Variants in ADGRB3 observed in about 807,000 individuals in gnomAD.
ADGRB3 encodes the protein brain-specific angiogenesis inhibitor 3.
A neutral mutation model predicts 193.4 loss-of-function variants in ADGRB3; 37 were observed. The ratio of observed to expected loss-of-function variants is 0.19; its 90% CI spans 0.15 to 0.25. The LOEUF (loss-of-function observed/expected upper bound fraction) is 0.25. ADGRB3 is among the 10% of genes least tolerant of loss of function. The pLI is 1.00. For missense variants in ADGRB3, 1,637 were observed against 1,852.9 expected (o/e 0.88, Z 2.14); for synonymous variants, 690 against 644.2 (o/e 1.07, Z -1.08).
intron 20 of ADGRB3, among the ~76,000 whole-genome samples, chr6:69,267,456 G>T (rs1202826459): frequency 6.6e-6 from 1 of 152,116 alleles, no homozygotes; most frequent in Non-Finnish European, 1.5e-5. Flanking sequence ...ATCATCAAAA[G>T]TACTGAGCTA....
intron 17 of ADGRB3, 144 bp from the exon 18 acceptor site, chr6:69,233,146 C>T: frequency 8.5e-7 from 1 of 1,180,220 alleles, no homozygotes; most frequent in Non-Finnish European, 1.2e-6. Flanking sequence ...TAAATTACAT[C>T]CTGTTCAACA....
intron 17 of ADGRB3, among the ~76,000 whole-genome samples, chr6:69,114,409 T>G (rs1773463099): frequency 6.6e-6 from 1 of 152,182 alleles, no homozygotes; most frequent in Non-Finnish European, 1.5e-5. Flanking sequence ...TGGATGTTAG[T>G]CCTTTGTCAG....
chr6:68,951,654 G>A (rs1767923157), intron 6 of ADGRB3, among the ~76,000 whole-genome samples: 1 of 152,110 alleles, frequency 6.6e-6, no homozygotes, highest in African/African-American at 2.4e-5. Flanking sequence ...GCTTACCAGG[G>A]AACTCTTTTC....
chr6:69,188,178 A>T (rs1765107446), intron 17 of ADGRB3, among the ~76,000 whole-genome samples: 1 of 152,150 alleles, frequency 6.6e-6, no homozygotes, highest in African/African-American at 2.4e-5. Context: ...TTCCAATAAA[A>T]CTAAAAGGTT....
At chr6:68,969,074 A>G (rs934389855) in intron 8 of ADGRB3, among the ~76,000 whole-genome samples, 4 of 151,992 alleles carry the variant, frequency 2.6e-5, no homozygotes, top group Admixed American at 1.3e-4. Flanking sequence ...TTGAACACAT[A>G]CTGTATACTA....
intron 28 of ADGRB3, among the ~76,000 whole-genome samples, chr6:69,360,063 G>A (rs548464195): frequency 1.3e-5 from 2 of 151,584 alleles, no homozygotes; most frequent in Non-Finnish European, 3.0e-5. Context: ...GGTTTGGTTT[G>A]CATTTTTGTT....
At chr6:68,826,226 A>G (rs139825873) in intron 3 of ADGRB3, among the ~76,000 whole-genome samples, 22 of 152,304 alleles carry the variant, frequency 1.4e-4, no homozygotes, top group African/African-American at 4.8e-4. Flanking sequence ...ATGGGAATCA[A>G]TGCTACAGGG....
At chr6:69,004,617 A>T (rs558958244) in intron 11 of ADGRB3, among the ~76,000 whole-genome samples, 16 of 138,924 alleles carry the variant, frequency 1.2e-4, no homozygotes, top group Admixed American at 4.5e-4. Flanking sequence ...CCTGTGTCCA[A>T]GTGTTCTCAT....
chr6:68,962,930 C>T (rs568658888), intron 8 of ADGRB3, among the ~76,000 whole-genome samples: 13 of 152,108 alleles, frequency 8.5e-5, no homozygotes, highest in Admixed American at 3.9e-4. Context: ...CATGAATGTA[C>T]CTTTATGTCT....
intron 15 of ADGRB3, among the ~76,000 whole-genome samples, chr6:69,062,462 C>T (rs1317614221): frequency 1.3e-5 from 2 of 151,806 alleles, no homozygotes; most frequent in African/African-American, 4.8e-5. Flanking sequence ...ACTCTGTTTG[C>T]TCTAATGTTA....
Position 69,064,648 on chromosome 6 carries a change from T to C in ADGRB3, c.2436+1612T>C, listed in dbSNP as rs548915450. 2.8e-5 allele frequency among the ~76,000 whole-genome samples: 4 copies of C among 145,412 alleles called. No homozygotes were observed. In the South Asian group the frequency reaches 9.1e-4, roughly 33 times the overall value. ...GTATTGGGAGAATGTAGTAAGAGAT[T>C]AATTCTCTGTATCAGATTATAGAAT... On this transcript the variant is annotated intron_variant, in intron 16 of 31. Transcript: ENST00000370598.
chr6:69,177,073 C>T (rs1282283857), intron 17 of ADGRB3, among the ~76,000 whole-genome samples: 1 of 152,082 alleles, frequency 6.6e-6, no homozygotes, highest in Non-Finnish European at 1.5e-5. Flanking sequence ...GTCAAAGAAC[C>T]ATTTTTGGTT....
intron 3 of ADGRB3, among the ~76,000 whole-genome samples, chr6:68,893,610 G>A (rs1427830160): frequency 4.0e-5 from 6 of 149,516 alleles, no homozygotes; most frequent in African/African-American, 4.9e-5. Flanking sequence ...ACAAAGAGGA[G>A]GAAAGAGAAA....
intron 3 of ADGRB3, among the ~76,000 whole-genome samples, chr6:68,799,223 T>G (rs577480516): frequency 6.6e-6 from 1 of 152,040 alleles, no homozygotes; most frequent in Non-Finnish European, 1.5e-5. Context: ...ATAAACAACA[T>G]TACACTGTAA....
chr6:68,831,181 C>G (rs893400277), intron 3 of ADGRB3, among the ~76,000 whole-genome samples: 1 of 150,384 alleles, frequency 6.6e-6, no homozygotes, highest in Non-Finnish European at 1.5e-5. Flanking sequence ...GCTATAGAGA[C>G]ACAATAAAAA....
At chr6:69,240,042 T>A (rs1766352013) in intron 20 of ADGRB3, among the ~76,000 whole-genome samples, 2 of 152,054 alleles carry the variant, frequency 1.3e-5, no homozygotes, top group African/African-American at 2.4e-5. Flanking sequence ...TAATTAAAAA[T>A]TTTCCCATAA....
intron 17 of ADGRB3, among the ~76,000 whole-genome samples, chr6:69,173,326 C>T (rs183531645): frequency 1.3e-5 from 2 of 152,356 alleles, no homozygotes; most frequent in Admixed American, 6.5e-5. Flanking sequence ...GCGTGAGCCA[C>T]GGTGCCCAGC....
intron 17 of ADGRB3, among the ~76,000 whole-genome samples, chr6:69,145,161 G>A (rs1356221755): frequency 6.6e-6 from 1 of 152,112 alleles, no homozygotes; most frequent in African/African-American, 2.4e-5. Flanking sequence ...TACTCGGCTT[G>A]CACTTCTGGC....
At chr6:68,748,369 G>A (rs944267959) in intron 3 of ADGRB3, among the ~76,000 whole-genome samples, 5 of 152,130 alleles carry the variant, frequency 3.3e-5, no homozygotes, top group Non-Finnish European at 7.3e-5. Flanking sequence ...ATATAATGGC[G>A]GTACAGGTAT....
Sources: gnomAD v4.1 joint callset for allele counts (sites outside exome capture counted in the v4.1 genomes callset) on GRCh38, gnomAD v4.1.1 for gene constraint, MANE v1.5 for transcripts, NCBI Gene and HGNC (gene_info 2026-07-23, HGNC 2026-07-21) for gene names.